The following VPS33A variants were observed in gnomAD, a reference collection of about 807,000 sequenced individuals.
VPS33A encodes the protein vacuolar protein sorting-associated protein 33A.
Under a neutral mutation model 71.8 loss-of-function variants are expected in VPS33A, and 32 were observed. That is an observed-to-expected ratio of 0.45 (90% confidence interval 0.34 to 0.60). VPS33A has a LOEUF of 0.60. Among genes scored for constraint, VPS33A ranks in the 20% least tolerant of loss-of-function variants. The probability of loss-of-function intolerance (pLI) is 0.02; values close to 1 mark genes in which losing one functional copy is unlikely to be tolerated. For synonymous variants in VPS33A, 311 were observed against 292.7 expected, an observed-to-expected ratio of 1.06 and a Z score of -0.64; for missense variants, 625 against 748.5, an observed-to-expected ratio of 0.84 and a Z score of 1.92.
At chr12:122,242,002 G>C (rs1221228905) in intron 8 of VPS33A, among the ~76,000 whole-genome samples, 1 of 152,156 alleles carries the variant, frequency 6.6e-6, no homozygotes, top group Non-Finnish European at 1.5e-5. Context: ...CCGCCTTCCA[G>C]GTTCAAGCAA....
intron 7 of VPS33A, among the ~76,000 whole-genome samples, chr12:122,244,312 T>A (rs1176743431): frequency 6.6e-6 from 1 of 152,216 alleles, no homozygotes; most frequent in East Asian, 1.9e-4. Flanking sequence ...ATGTTTATGA[T>A]GGAAGTCTGT....
At chr12:122,238,874 T>C (rs972192618) in intron 9 of VPS33A, 150 bp from the exon 10 acceptor site, 57 of 936,060 alleles carry the variant, frequency 6.1e-5, no homozygotes, top group Non-Finnish European at 8.8e-5. Flanking sequence ...AGGAGATACG[T>C]GGGAAAATGA....
At chr12:122,265,836 TAGG>T (rs562604366) in intron 1 of VPS33A, 176 of 391,762 alleles carry the variant, frequency 4.5e-4, no homozygotes, top group Admixed American at 4.2e-3. Context: ...TATACTGTTT[TAGG>T]AGGCCAGGTT....
intron 7 of VPS33A, 32 bp from the exon 8 acceptor site, chr12:122,242,540 A>G: frequency 1.3e-6 from 2 of 1,577,190 alleles, no homozygotes; most frequent in Non-Finnish European, 1.7e-6. Flanking sequence ...TGCCTCAAGC[A>G]GGGAAGATAG....
At chr12:122,261,937 G>A (rs1353491352) in intron 3 of VPS33A, among the ~76,000 whole-genome samples, 2 of 152,180 alleles carry the variant, frequency 1.3e-5, no homozygotes, top group Admixed American at 6.6e-5. Flanking sequence ...GGGAGGCAGA[G>A]GTTGCAGTGA....
intron 11 of VPS33A, 96 bp from the exon 12 acceptor site, chr12:122,233,064 A>T (rs1954585776): frequency 3.0e-6 from 4 of 1,324,234 alleles, no homozygotes; most frequent in Admixed American, 5.9e-5. Context: ...TTTGATTTGG[A>T]TTTAAAGATA....
chr12:122,243,093 T>C (rs1954736043), intron 7 of VPS33A, among the ~76,000 whole-genome samples: 1 of 152,214 alleles, frequency 6.6e-6, no homozygotes, highest in South Asian at 2.1e-4. Context: ...TGTGTCAGTA[T>C]TTTGTGGACA....
At chr12:122,251,429 C>T (rs1363444372) in intron 4 of VPS33A, among the ~76,000 whole-genome samples, 3 of 152,136 alleles carry the variant, frequency 2.0e-5, no homozygotes, top group Admixed American at 6.6e-5. Context: ...TTACACTGAA[C>T]GATGGGTTCC....
chr12:122,257,600 G>A (rs1446984267), intron 4 of VPS33A, among the ~76,000 whole-genome samples: 5 of 151,546 alleles, frequency 3.3e-5, no homozygotes, highest in Non-Finnish European at 7.4e-5. Flanking sequence ...TTGAACCTGG[G>A]AGGTGAAGGT....
intron 8 of VPS33A, among the ~76,000 whole-genome samples, chr12:122,241,747 C>A (rs571980121): frequency 2.6e-5 from 4 of 151,758 alleles, no homozygotes; most frequent in Non-Finnish European, 5.9e-5. Context: ...CATGTGCCAC[C>A]ATGCCCAGCT....
intron 3 of VPS33A, among the ~76,000 whole-genome samples, chr12:122,262,243 T>G (rs1445042767): frequency 2.0e-5 from 3 of 152,000 alleles, no homozygotes; most frequent in African/African-American, 4.8e-5. Flanking sequence ...CTGTACCCAC[T>G]CTCTCTCTCT....
chr12:122,232,929 G>A lies in VPS33A; in HGVS notation c.1480C>T (p.Pro494Ser). The A allele has an allele frequency of 6.2e-7, 1 of 1,613,876 alleles. No homozygotes were observed. Among genetic ancestry groups the A allele is most frequent in the Non-Finnish European group, 8.5e-7 (1 of 1,179,988 alleles). ...AGCTGGGCCAGCCGCACACTGAGCG[G>A]GGCATACCCACTGTACACATACGAT... ...DISYVYSGYA[P>S]LSVRLAQLLS... The change falls in exon 12 of 13, where the codon CCG becomes TCG. Residue 494 changes from proline to serine, a missense_variant. By Grantham distance (74) the Pro-to-Ser change is moderately conservative. Transcript: ENST00000267199.
intron 3 of VPS33A, among the ~76,000 whole-genome samples, 168 bp downstream of exon 3, chr12:122,263,404 C>T (rs985686669): frequency 4.6e-5 from 7 of 152,086 alleles, no homozygotes; most frequent in African/African-American, 1.7e-4. Context: ...CTATCTCCAC[C>T]TCCCCCCAGC....
chr12:122,265,819 G>C (rs148858089), intron 1 of VPS33A: 1 of 423,594 alleles, frequency 2.4e-6, no homozygotes, highest in Non-Finnish European at 4.9e-6. Context: ...GGTGCTACTA[G>C]AGAAGTTATA....
In VPS33A at chr12:122,232,407, C is replaced by T; in HGVS notation, c.1630G>A (p.Val544Met). The T allele has an allele frequency of 6.2e-7, 1 of 1,612,744 alleles. No individual in the cohort carries two copies. Among genetic ancestry groups the T allele is most frequent in the East Asian group, 2.2e-5 (1 of 44,878 alleles). The change falls in exon 13 of 13, where the codon GTG becomes ATG. Residue 544 changes from valine to methionine, a missense_variant. Coordinates refer to ENST00000267199, the MANE Select transcript of VPS33A (RefSeq NM_022916.6). ...QKKRQPGENR[V>M]TLIFFLGGVT... is the part of the protein sequence containing the mutation. ...CCCCCAAGGAAAAATATCAGAGTCA[C>T]TCGGTTTTCTCCCGGTTGACCTAAA...
chr12:122,238,672 A>G lies in VPS33A; in HGVS notation c.1217T>C (p.Val406Ala), dbSNP rs991402047. ...CIAQKHSLIK[V>A]LRLVCLQSVC... ...GGATTGGAGGCAAACTAGTCTTAAC[A>G]CCTTGATCAACGAGTGCTTTTGGGC... The change falls in exon 10 of 13, where the codon GTG becomes GCG. Residue 406 changes from valine (V) to alanine (A), a missense_variant. Coordinates refer to ENST00000267199, the MANE Select transcript of VPS33A (RefSeq NM_022916.6). 1.2e-6 allele frequency: 2 copies of G among 1,613,906 alleles called. No individual in the cohort carries two copies.
Position 122,251,236 on chromosome 12 carries a change from C to T in VPS33A, c.484-137G>A. The T allele has an allele frequency of 4.7e-6, 3 of 643,514 alleles. No individual in the cohort carries two copies. In the South Asian group the frequency reaches 5.8e-5, roughly 13 times the overall value. 39.9% of individuals were successfully genotyped at this position (643,514 alleles called of 1,614,324 possible). A position where few individuals can be genotyped will look rare whatever the true frequency, so the allele number is the denominator to read the frequency against. ...CACACTGTGCCAGGAAAATTGGGGA[C>T]TCAAGTTCATTTTCCAAAACTGCTG... is the stretch of plus-strand genomic sequence containing the variant. On this transcript the variant is annotated intron_variant, in intron 4 of 12. Transcript: ENST00000267199.
chr12:122,251,514 C>A (rs1018151054), intron 4 of VPS33A, among the ~76,000 whole-genome samples: 17 of 152,308 alleles, frequency 1.1e-4, no homozygotes, highest in African/African-American at 4.1e-4. Flanking sequence ...ATGCAAAAGA[C>A]CACAGGACGA....
In VPS33A at chr12:122,250,022, C is replaced by T. The variant is rs2277335; in HGVS notation, c.624G>A (p.Arg208=). ...GGCTTCCTGTAAACTCTCTCTTCAT[C>T]CTGATCATCATATTGGCCACTTGCT... ...CARQVANMMI[R]MKREFTGSQN... Residue 208 remains arginine, a synonymous_variant, in exon 6 of 13, where the codon AGG becomes AGA. Transcript: ENST00000267199. The T allele has an allele frequency of 3.7e-3, 5,972 of 1,612,370 alleles. 206 individuals carry two copies. The East Asian group carries it at 0.085, about 23-fold the overall frequency.
Sources: allele counts gnomAD v4.1 joint callset (sites outside exome capture counted in the v4.1 genomes callset), GRCh38; gene constraint gnomAD v4.1.1; transcripts MANE v1.5; gene names NCBI Gene and HGNC (gene_info 2026-07-23, HGNC 2026-07-21).